AP5M1: variants seen among roughly 807,000 people sequenced by gnomAD.
AP5M1 encodes adaptor related protein complex 5 subunit mu 1, also known as AP-5 complex subunit mu-1.
In AP5M1, 44 loss-of-function variants were observed where a neutral mutation model predicts 52.3. The observed-to-expected ratio is 0.84, with a 90% confidence interval of 0.66 to 1.08. AP5M1 has a LOEUF of 1.08. AP5M1 is among the 50% of genes least tolerant of loss of function. AP5M1 has a pLI of 0.00. For synonymous variants in AP5M1, 213 were observed against 199.0 expected (o/e 1.07, Z -0.59); for missense variants, 526 against 568.4 (o/e 0.93, Z 0.76).
At position 57,278,993 on chromosome 14, in the gene AP5M1, G is replaced by A. The variant is rs181568866; in HGVS notation, c.721-1202G>A. On this transcript the variant is annotated intron_variant, in intron 2 of 7. Coordinates refer to ENST00000261558, the MANE Select transcript of AP5M1 (RefSeq NM_018229.4). ...AAACCACAATGAGATACCATCCAAC[G>A]CCAGTCAGAATGGCTGTTATTAAAA... Among the ~76,000 whole-genome samples the A allele has an allele frequency of 3.4e-3, 513 of 152,178 alleles. 2 individuals are homozygous for A. Among genetic ancestry groups the A allele is most frequent in the African/African-American group, 0.012 (493 of 41,530 alleles).
intron 2 of AP5M1, among the ~76,000 whole-genome samples, chr14:57,278,045 T>C (rs974480170): frequency 1.3e-5 from 2 of 152,124 alleles, no homozygotes; most frequent in African/African-American, 2.4e-5. Flanking sequence ...ATAATTCTTA[T>C]GGGGCCCAGT....
rs77556338 is a variant in AP5M1 at position 57,285,689 on chromosome 14, T to G, written c.1294-534T>G. On this transcript the variant is annotated intron_variant, in intron 6 of 7. Transcript: ENST00000261558. ...CACAAGATAAACTGATGTTTCTGTT[T>G]TCATAATTAAATTATATTTTATTAG... Among the ~76,000 whole-genome samples the G allele has an allele frequency of 1.1e-3, 172 of 152,320 alleles. 1 individual carries two copies. The East Asian group carries it at 0.016, about 14-fold the overall frequency.
At chr14:57,282,877 T>G (rs1442626015) in intron 4 of AP5M1, 57 bp from the exon 5 acceptor site, 2 of 1,211,360 alleles carry the variant, frequency 1.7e-6, no homozygotes, top group Non-Finnish European at 2.3e-6. Flanking sequence ...TTGACTTAGA[T>G]CTCTTAAAAC....
intron 2 of AP5M1, among the ~76,000 whole-genome samples, chr14:57,275,967 C>G (rs1033179559): frequency 6.6e-6 from 1 of 152,012 alleles, no homozygotes; most frequent in African/African-American, 2.4e-5. Context: ...TTTTATATGT[C>G]AAATTTAATG....
rs763799904 is a variant in AP5M1, at chr14:57,269,302, T to A, written c.-13T>A. 1 of 1,613,740 alleles carries A rather than the reference T, an allele frequency of 6.2e-7. No individual in the cohort carries two copies. Among genetic ancestry groups the A allele is most frequent in the Admixed American group, 1.7e-5 (1 of 59,926 alleles). Reference sequence around the variant, plus strand: ...TTAATTATGAGATGAGCTAATGCTTTACTGACTTAACCATGGCGCAGCGGG... The same window carrying A: ...TTAATTATGAGATGAGCTAATGCTTAACTGACTTAACCATGGCGCAGCGGG... On this transcript the variant is annotated 5_prime_UTR_variant, in exon 1 of 8. Coordinates refer to ENST00000261558, the MANE Select transcript of AP5M1 (RefSeq NM_018229.4).
Position 57,292,674 on chromosome 14 carries a change from T to C in AP5M1, c.*3790T>C, listed in dbSNP as rs10498486. On this transcript the variant is annotated 3_prime_UTR_variant, in exon 8 of 8. Transcript: ENST00000261558. ...TGCACTAGGGTATACTTAACTGGCC[T>C]TGACATAACCAAAAATCAAAGCAGT... is the stretch of plus-strand genomic sequence containing the variant. The C allele has an allele frequency of 0.81, 122,546 of 151,658 alleles. 52,981 individuals are homozygous for C. The highest frequency in any genetic ancestry group is 0.95 in the Non-Finnish European group (64,059 of 67,748). The allele number at this position is 151,658 out of a possible 1,614,324, so 9.4% of individuals were successfully genotyped here.
At chr14:57,287,391 A>G (rs761448244) in intron 7 of AP5M1, among the ~76,000 whole-genome samples, 20 of 152,126 alleles carry the variant, frequency 1.3e-4, no homozygotes, top group East Asian at 5.8e-4. Context: ...AATTTCTACT[A>G]TGTAATGTAA....
chr14:57,269,589 T>G (rs1178437201), intron 1 of AP5M1, among the ~76,000 whole-genome samples: 1 of 152,160 alleles, frequency 6.6e-6, no homozygotes, highest in Non-Finnish European at 1.5e-5. Flanking sequence ...AGTTGATGAC[T>G]GGTACATATT....
chr14:57,283,309 GTT>G (rs1308899706), intron 6 of AP5M1, 79 bp downstream of exon 6: 7 of 805,216 alleles, frequency 8.7e-6, no homozygotes, highest in African/African-American at 1.8e-5. Context: ...GATTTTTAAT[GTT>G]TTCCACCAAT....
intron 2 of AP5M1, among the ~76,000 whole-genome samples, chr14:57,279,623 C>T (rs916614338): frequency 1.3e-5 from 2 of 152,082 alleles, no homozygotes; most frequent in African/African-American, 4.8e-5. Flanking sequence ...AGCAAAACAC[C>T]ATGGCCCACG....
chr14:57,275,739 T>C (rs1885018565), intron 2 of AP5M1, among the ~76,000 whole-genome samples: 1 of 152,234 alleles, frequency 6.6e-6, no homozygotes, highest in Non-Finnish European at 1.5e-5. Flanking sequence ...TGAAGGGCTC[T>C]TATTTAAACA....
chr14:57,283,015 T>G lies in AP5M1; in HGVS notation c.1170T>G (p.Ile390Met). Residue 390 changes from isoleucine (I) to methionine (M), a missense_variant, in exon 5 of 8, where the codon ATT becomes ATG. By Grantham distance (10) the Ile-to-Met change is conservative. Transcript: ENST00000261558. Reference protein sequence around the residue: ...VFREKSLLIWIIGQKFPKSME... With the variant: ...VFREKSLLIWMIGQKFPKSME... ...GAGAGAAAAGCTTATTGATCTGGATTATTGGTGAGCAAGTTTTATTTATTG... is the reference window on the plus strand; with the variant it reads ...GAGAGAAAAGCTTATTGATCTGGATGATTGGTGAGCAAGTTTTATTTATTG... The G allele has an allele frequency of 6.3e-7, 1 of 1,594,596 alleles. No homozygotes were observed. The highest frequency in any genetic ancestry group is 2.2e-5 in the East Asian group (1 of 44,526).
chr14:57,286,984 TACACACACACATAC>T (rs1449052785), intron 7 of AP5M1, among the ~76,000 whole-genome samples: 2 of 134,992 alleles, frequency 1.5e-5, no homozygotes, highest in Non-Finnish European at 3.0e-5. Context: ...TATATGTGTG[TACACACACACATAC>T]ACACACACAC....
Position 57,268,977 on chromosome 14 carries a change from G to A in AP5M1, c.-338G>A, listed in dbSNP as rs1218858411. ...CGGCGAAAGAACCGAAAAAAGGCTC[G>A]ACGCTACCGTGTATGAGGAACTTTG... On this transcript the variant is annotated 5_prime_UTR_variant, in exon 1 of 8. Transcript: ENST00000261558. 17 of 563,020 alleles carry A rather than the reference G, an allele frequency of 3.0e-5. No individual in the cohort carries two copies. The East Asian group carries it at 4.9e-4, about 16-fold the overall frequency. The allele number at this position is 563,020 out of a possible 1,614,324, so 34.9% of individuals were successfully genotyped here.
At position 57,293,722 on chromosome 14, in the gene AP5M1, T is replaced by C. The variant is rs1885490697; in HGVS notation, c.*4838T>C. 6.6e-6 allele frequency: 1 copy of C among 151,486 alleles called. No homozygotes were observed. Among genetic ancestry groups the C allele is most frequent in the Non-Finnish European group, 1.5e-5 (1 of 67,742 alleles). The allele number at this position is 151,486 out of a possible 1,614,324, so 9.4% of individuals were successfully genotyped here. ...TTCACCATCACAGAATATATATATA[T>C]ATACACACAACATATATATACAAGT... On this transcript the variant is annotated 3_prime_UTR_variant, in exon 8 of 8. Coordinates refer to ENST00000261558, the MANE Select transcript of AP5M1 (RefSeq NM_018229.4).
intron 2 of AP5M1, among the ~76,000 whole-genome samples, chr14:57,276,543 C>A (rs1885039878): frequency 6.6e-6 from 1 of 151,424 alleles, no homozygotes; most frequent in African/African-American, 2.4e-5. Flanking sequence ...ACACTGCACT[C>A]CAGCCTGGGT....
At chr14:57,285,659 C>T (rs1885288871) in intron 6 of AP5M1, among the ~76,000 whole-genome samples, 1 of 152,184 alleles carries the variant, frequency 6.6e-6, no homozygotes, top group Non-Finnish European at 1.5e-5. Flanking sequence ...CTCATTCCCT[C>T]TAAACACAAG....
At chr14:57,279,315 G>A (rs1258495646) in intron 2 of AP5M1, among the ~76,000 whole-genome samples, 2 of 152,190 alleles carry the variant, frequency 1.3e-5, no homozygotes, top group African/African-American at 4.8e-5. Context: ...TAAAGAAAAT[G>A]TGGTACATAT....
Position 57,283,234 on chromosome 14 carries a change from A to G in AP5M1, c.1293+4A>G. The G allele has an allele frequency of 6.4e-7, 1 of 1,569,170 alleles. No homozygotes were observed. The highest frequency in any genetic ancestry group is 8.8e-7 in the Non-Finnish European group (1 of 1,142,018). On this transcript the variant is annotated splice_donor_region_variant and intron_variant, in intron 6 of 7. Coordinates refer to ENST00000261558, the MANE Select transcript of AP5M1 (RefSeq NM_018229.4). ...TGGAGAAACAGCATATTTAAAGGTA[A>G]ACATATTTATACAGCTCACTACAGT...
Sources: allele counts gnomAD v4.1 joint callset (sites outside exome capture counted in the v4.1 genomes callset), GRCh38; gene constraint gnomAD v4.1.1; transcripts MANE v1.5; gene names NCBI Gene and HGNC (gene_info 2026-07-23, HGNC 2026-07-21).